Variants in SCAP observed in about 807,000 individuals in gnomAD.
SCAP encodes the protein sterol regulatory element-binding protein cleavage-activating protein.
Under a neutral mutation model 123.6 loss-of-function variants are expected in SCAP, and 65 were observed. The observed-to-expected ratio is 0.53, with a 90% CI of 0.43 to 0.65. The LOEUF is 0.65. Among genes scored for constraint, SCAP ranks in the 30% least tolerant of loss-of-function variants. The pLI, the probability that SCAP is intolerant of heterozygous loss-of-function variation, is 0.00. For missense variants in SCAP, 1,398 were observed against 1,712.5 expected, an observed-to-expected ratio of 0.82 and a Z score of 3.24; for synonymous variants, 740 against 726.3, an observed-to-expected ratio of 1.02 and a Z score of -0.30.
At chr3:47,458,628 T>C (rs1707516882) in intron 1 of SCAP, among the ~76,000 whole-genome samples, 1 of 152,160 alleles carries the variant, frequency 6.6e-6, no homozygotes, top group Non-Finnish European at 1.5e-5. Flanking sequence ...TTGGTTGTAA[T>C]GGTTGTCACA....
At chr3:47,476,407 GACAAAAA>G (rs1051470819), upstream of SCAP, among the ~76,000 whole-genome samples, 2 of 152,042 alleles carry the variant, frequency 1.3e-5, no homozygotes, top group Non-Finnish European at 2.9e-5. Flanking sequence ...GCCACAGTGA[GACAAAAA>G]ACAAAAAACC....
At chr3:47,463,883 G>C (rs975401729) in intron 1 of SCAP, among the ~76,000 whole-genome samples, 8 of 152,116 alleles carry the variant, frequency 5.3e-5, no homozygotes, top group African/African-American at 1.9e-4. Flanking sequence ...CTGTCACCCA[G>C]GCTGGATACA....
At position 47,418,165 on chromosome 3, in the gene SCAP, C is replaced by T. The variant is rs769122576; in HGVS notation, c.2416G>A (p.Gly806Arg). ...CGCGGAATGCGCGTTAGGCAATCCC[C>T]GGTCTGCGCGTCCCACACGCAGACG... Reference protein sequence around the residue: ...GHVCVWDAQTGDCLTRIPRPG... With the variant: ...GHVCVWDAQTRDCLTRIPRPG... Residue 806 changes from glycine (G) to arginine (R), a missense_variant, in exon 16 of 23, where the codon GGG becomes AGG. Gly to Arg is a moderately radical substitution (Grantham distance 125). This residue lies in a region of SCAP where 828 missense variants were observed against 882.5 expected (regional missense o/e 0.94). Transcript: ENST00000265565. 36 of 1,570,928 alleles carry T rather than the reference C, an allele frequency of 2.3e-5. No homozygotes were observed. Among genetic ancestry groups the T allele is most frequent in the Non-Finnish European group, 2.7e-5 (31 of 1,158,760 alleles).
At chr3:47,414,433 C>T (rs1705467448) in intron 21 of SCAP, 47 bp from the exon 22 acceptor site, 1 of 1,607,254 alleles carries the variant, frequency 6.2e-7, no homozygotes, top group East Asian at 2.2e-5. Flanking sequence ...TGTAATACCT[C>T]TGTCAACAGT....
intron 3 of SCAP, 80 bp downstream of exon 3, chr3:47,434,928 A>T: frequency 6.3e-7 from 1 of 1,586,080 alleles, no homozygotes; most frequent in African/African-American, 1.3e-5. Flanking sequence ...GACCAACCTC[A>T]ATCTCACTGG....
At chr3:47,462,287 T>C (rs1422034264) in intron 1 of SCAP, among the ~76,000 whole-genome samples, 2 of 152,188 alleles carry the variant, frequency 1.3e-5, no homozygotes, top group Non-Finnish European at 2.9e-5. Context: ...AAGTTTACTA[T>C]ATAACTTGTC....
chr3:47,449,390 C>T (rs917876546), intron 1 of SCAP, among the ~76,000 whole-genome samples: 1 of 123,812 alleles, frequency 8.1e-6, no homozygotes, highest in African/African-American at 2.8e-5. Flanking sequence ...GTGACTACCT[C>T]CAAGGAAAAG....
chr3:47,415,472 G>A (rs376461888), intron 18 of SCAP, among the ~76,000 whole-genome samples: 26 of 152,092 alleles, frequency 1.7e-4, no homozygotes, highest in African/African-American at 2.4e-4. Context: ...TGAATATCAC[G>A]TAAGTTTGTA....
Position 47,473,080 on chromosome 3 carries a change from CA to C in SCAP, c.-99+2718del, listed in dbSNP as rs34472664. Among the ~76,000 whole-genome samples the C allele has an allele frequency of 8.4e-4, 32 of 38,052 alleles. 3 individuals are homozygous for C. Among genetic ancestry groups the C allele is most frequent in the South Asian group, 3.0e-3 (2 of 660 alleles). The allele number at this position is 38,052 out of a possible 152,430, so 25.0% of individuals were successfully genotyped here. A position where few individuals can be genotyped will look rare whatever the true frequency, so the allele number is the denominator to read the frequency against. On this transcript the variant is annotated intron_variant, in intron 1 of 22. Transcript: ENST00000265565. ...GGGCAAGAAGAGCGAAACTCCATCTCAAAAAAAAAAAAAAAAAAACAGACTG... is the reference window on the plus strand; with the variant it reads ...GGGCAAGAAGAGCGAAACTCCATCTCAAAAAAAAAAAAAAAAAACAGACTG...
intron 1 of SCAP, among the ~76,000 whole-genome samples, chr3:47,455,543 C>T (rs1309753120): frequency 1.4e-5 from 2 of 140,074 alleles, no homozygotes; most frequent in South Asian, 2.3e-4. Flanking sequence ...TGCAGTGAGC[C>T]GGGATTGCAC....
intron 1 of SCAP, chr3:47,475,443 G>A (rs1372515520): frequency 6.6e-6 from 1 of 152,244 alleles, no homozygotes; most frequent in African/African-American, 2.4e-5. Context: ...CCGCACTCCG[G>A]AAAACCCAAA....
At position 47,428,661 on chromosome 3, in the gene SCAP, C is replaced by A; in HGVS notation, c.262G>T (p.Ala88Ser). The stretch of plus-strand genomic sequence containing the variant: ...ATCTGCTGGACATAAGCCACCGGGG[C>A]ACCCACATACTGCAGAAGAAATGAG... ...PTEQPEWYVG[A>S]PVAYVQQIFV... The change falls in exon 4 of 23, where the codon GCC becomes TCC. Residue 88 changes from alanine to serine, a missense_variant. By Grantham distance (99) the Ala-to-Ser change is moderately conservative (BLOSUM62 1). This residue lies in a region of SCAP where 319 missense variants were observed against 432.4 expected (regional missense o/e 0.74). Coordinates refer to ENST00000265565, the MANE Select transcript of SCAP (RefSeq NM_012235.4). 6.2e-7 allele frequency: 1 copy of A among 1,613,958 alleles called. No individual in the cohort carries two copies.
At chr3:47,430,812 AG>A (rs1706328344) in intron 3 of SCAP, among the ~76,000 whole-genome samples, 1 of 151,728 alleles carries the variant, frequency 6.6e-6, no homozygotes, top group Non-Finnish European at 1.5e-5. Context: ...CTGAGGGATG[AG>A]GGGCTGTCTC....
At chr3:47,435,412 G>A (rs1706529946) in intron 2 of SCAP, among the ~76,000 whole-genome samples, 1 of 146,590 alleles carries the variant, frequency 6.8e-6, no homozygotes, top group Non-Finnish European at 1.5e-5. Context: ...AGCTAAGTAT[G>A]TATAAATATA....
chr3:47,460,416 T>G (rs1417633130), intron 1 of SCAP, among the ~76,000 whole-genome samples: 1 of 152,206 alleles, frequency 6.6e-6, no homozygotes, highest in East Asian at 1.9e-4. Flanking sequence ...ATAAAAGTAT[T>G]AATTTTGGGA....
At chr3:47,427,935 A>G (rs1162382004) in intron 4 of SCAP, among the ~76,000 whole-genome samples, 2 of 152,062 alleles carry the variant, frequency 1.3e-5, no homozygotes, top group Non-Finnish European at 2.9e-5. Flanking sequence ...AGCATGCACA[A>G]CCCCACCCAC....
chr3:47,447,159 T>C (rs910916066), intron 1 of SCAP, among the ~76,000 whole-genome samples: 2 of 152,160 alleles, frequency 1.3e-5, no homozygotes, highest in Non-Finnish European at 2.9e-5. Context: ...GTCCCAGCAC[T>C]TTGGGAGACC....
rs193045636 is a variant in SCAP at position 47,440,765 on chromosome 3, T to C, written c.122+2107A>G. On this transcript the variant is annotated intron_variant, in intron 2 of 22. Transcript: ENST00000265565. ...GTCCCAACTACTCAGAGGGCTGAGG[T>C]AGGAGAATCACTTGAGCCCATGAAG... 1.4e-3 allele frequency among the ~76,000 whole-genome samples: 214 copies of C among 152,224 alleles called. 2 individuals carry two copies. The highest frequency in any genetic ancestry group is 4.0e-3 in the African/African-American group (167 of 41,534).
At chr3:47,454,360 T>C (rs1309243601) in intron 1 of SCAP, among the ~76,000 whole-genome samples, 2 of 150,820 alleles carry the variant, frequency 1.3e-5, no homozygotes, top group African/African-American at 4.9e-5. Context: ...AGAGTGAGAC[T>C]CCGTCACAAA....
Sources: allele counts gnomAD v4.1 joint callset (sites outside exome capture counted in the v4.1 genomes callset), GRCh38; gene constraint gnomAD v4.1.1; regional missense constraint gnomAD v4.1.1; transcripts MANE v1.5; gene names NCBI Gene and HGNC (gene_info 2026-07-23, HGNC 2026-07-21).